The following SMPDL3A variants were observed in gnomAD, a reference collection of about 807,000 sequenced individuals.
SMPDL3A encodes the protein cyclic GMP-AMP phosphodiesterase SMPDL3A.
A neutral mutation model predicts 38.5 loss-of-function variants in SMPDL3A; 39 were observed. That is an observed-to-expected ratio of 1.01 (90% CI 0.78 to 1.32). The LOEUF is 1.32. SMPDL3A is among the 40% of genes most tolerant of loss of function. SMPDL3A has a pLI of 0.00. For synonymous variants in SMPDL3A, 180 were observed against 194.3 expected (o/e 0.93, Z 0.61); for missense variants, 502 against 536.2 (o/e 0.94, Z 0.63).
Position 122,809,529 on chromosome 6 carries a change from T to A in SMPDL3A, c.*121T>A. On this transcript the variant is annotated 3_prime_UTR_variant, in exon 8 of 8. Transcript: ENST00000368440. ...AAGTAGACTTCCTGTCTTTGCTTTCTTTTTTTTTTTCTTTTTGATGCCTTA... is the reference window on the plus strand; with the variant it reads ...AAGTAGACTTCCTGTCTTTGCTTTCATTTTTTTTTTCTTTTTGATGCCTTA... 2.9e-6 allele frequency: 1 copy of A among 341,152 alleles called. No homozygotes were observed. Among genetic ancestry groups the A allele is most frequent in the African/African-American group, 4.1e-5 (1 of 24,148 alleles). 21.1% of individuals were successfully genotyped at this position (341,152 alleles called of 1,614,324 possible). A position where few individuals can be genotyped will look rare whatever the true frequency, so the allele number is the denominator to read the frequency against.
intron 1 of SMPDL3A, among the ~76,000 whole-genome samples, chr6:122,790,284 G>T (rs143688721): frequency 1.3e-5 from 2 of 152,200 alleles, no homozygotes; most frequent in Non-Finnish European, 2.9e-5. Context: ...CCCACCCTCC[G>T]CATGATTCCT....
rs112687449 is a variant in SMPDL3A, at chr6:122,807,081, T to TGG, written c.1044+735_1044+736dup. Among the ~76,000 whole-genome samples the TGG allele has an allele frequency of 1.1e-3, 157 of 140,294 alleles. 1 individual carries two copies. The highest frequency in any genetic ancestry group is 5.6e-3 in the East Asian group (25 of 4,500). The allele number at this position is 140,294 out of a possible 152,430, so 92.0% of individuals were successfully genotyped here. On this transcript the variant is annotated intron_variant, in intron 7 of 7. Transcript: ENST00000368440. ...AATTTTTATAATCCTATTGTAGAGATGGGGGGGGGGGGTCTCCCTATGTTG... is the reference window on the plus strand; with the variant it reads ...AATTTTTATAATCCTATTGTAGAGATGGGGGGGGGGGGGGTCTCCCTATGTTG...
chr6:122,809,547 A>G lies in SMPDL3A; in HGVS notation c.*139A>G. ...TGCTTTCTTTTTTTTTTTCTTTTTG[A>G]TGCCTTAATGTAGATATCTTTATCA... On this transcript the variant is annotated 3_prime_UTR_variant, in exon 8 of 8. Transcript: ENST00000368440. The G allele has an allele frequency of 3.2e-6, 2 of 616,094 alleles. No homozygotes were observed. Among genetic ancestry groups the G allele is most frequent in the Non-Finnish European group, 5.7e-6 (2 of 351,924 alleles). The allele number at this position is 616,094 out of a possible 1,614,324, so 38.2% of individuals were successfully genotyped here. A position where few individuals can be genotyped will look rare whatever the true frequency, so the allele number is the denominator to read the frequency against.
At chr6:122,802,945 C>G (rs1781474386) in intron 4 of SMPDL3A, among the ~76,000 whole-genome samples, 3 of 152,164 alleles carry the variant, frequency 2.0e-5, no homozygotes, top group Admixed American at 2.0e-4. Context: ...TCAAACCCAA[C>G]TGACCTGCTA....
At chr6:122,792,097 A>G (rs554416923) in intron 1 of SMPDL3A, among the ~76,000 whole-genome samples, 2 of 152,362 alleles carry the variant, frequency 1.3e-5, no homozygotes, top group South Asian at 4.1e-4. Flanking sequence ...GGGCTCTGCC[A>G]CAGGCCAGGC....
intron 7 of SMPDL3A, among the ~76,000 whole-genome samples, chr6:122,807,977 C>G (rs1226287892): frequency 6.6e-6 from 1 of 152,128 alleles, no homozygotes; most frequent in African/African-American, 2.4e-5. Context: ...TACACAGCAT[C>G]TGAGGTTCAG....
At chr6:122,793,059 A>C (rs1388005586) in intron 1 of SMPDL3A, among the ~76,000 whole-genome samples, 1 of 152,212 alleles carries the variant, frequency 6.6e-6, no homozygotes, top group Non-Finnish European at 1.5e-5. Context: ...ACTTGAATTT[A>C]ATCTCTGTGT....
In SMPDL3A at chr6:122,795,754, T is replaced by TCA. The variant is rs1449417271; in HGVS notation, c.191_192dup (p.Ser65HisfsTer42). On this transcript the variant is annotated frameshift_variant, in exon 2 of 8. Coordinates refer to ENST00000368440, the MANE Select transcript of SMPDL3A (RefSeq NM_006714.5). LOFTEE classifies it high-confidence loss of function. ...AGATGACCACACAAAAGTGTGTGCT[T>TCA]CATCTAAAGGTGCAAATGCCTCCAA... is the stretch of plus-strand genomic sequence containing the variant. 1 of 1,614,086 alleles carries TCA rather than the reference T, an allele frequency of 6.2e-7. No individual in the cohort carries two copies. Among genetic ancestry groups the TCA allele is most frequent in the Non-Finnish European group, 8.5e-7 (1 of 1,180,028 alleles).
intron 1 of SMPDL3A, chr6:122,790,006 C>T (rs1377810387): frequency 3.6e-6 from 1 of 276,906 alleles, no homozygotes; most frequent in Non-Finnish European, 5.5e-6. Context: ...AAAGCACCCT[C>T]GGGTAGACTC....
intron 6 of SMPDL3A, among the ~76,000 whole-genome samples, chr6:122,805,883 G>C (rs1781598073): frequency 6.6e-6 from 1 of 152,208 alleles, no homozygotes; most frequent in Non-Finnish European, 1.5e-5. Context: ...ATGAGCCACT[G>C]CACCTGGCCT....
At chr6:122,808,652 TCCCCCCTCCCTCCCTC>T (rs1781742907) in intron 7 of SMPDL3A, among the ~76,000 whole-genome samples, 1 of 23,908 alleles carries the variant, frequency 4.2e-5, no homozygotes, top group African/African-American at 1.5e-4. Context: ...CCCCCCCTCC[TCCCCCCTCCCTCCCTC>T]TCCTTCTTTC....
chr6:122,797,011 T>C, intron 3 of SMPDL3A, 43 bp downstream of exon 3: 1 of 1,557,886 alleles, frequency 6.4e-7, no homozygotes, highest in Non-Finnish European at 8.8e-7. Flanking sequence ...GAATTTTTCC[T>C]ATTAGTAGTG....
intron 3 of SMPDL3A, among the ~76,000 whole-genome samples, chr6:122,799,013 AT>A (rs1562350916): frequency 6.6e-6 from 1 of 152,192 alleles, no homozygotes; most frequent in Non-Finnish European, 1.5e-5. Flanking sequence ...TTAGAGGCTG[AT>A]GTCTGAGATC....
At chr6:122,804,127 A>G (rs1781521649) in intron 5 of SMPDL3A, among the ~76,000 whole-genome samples, 1 of 151,602 alleles carries the variant, frequency 6.6e-6, no homozygotes, top group Non-Finnish European at 1.5e-5. Context: ...TGCTGGGATT[A>G]CAGGCACCCA....
chr6:122,789,816 A>G (rs1411700280), intron 1 of SMPDL3A: 1 of 984,972 alleles, frequency 1.0e-6, no homozygotes, highest in Non-Finnish European at 1.2e-6. Context: ...ACTCAAGGGA[A>G]GAGGAAGCTG....
At chr6:122,792,978 C>G (rs949223819) in intron 1 of SMPDL3A, among the ~76,000 whole-genome samples, 9 of 152,162 alleles carry the variant, frequency 5.9e-5, no homozygotes, top group Admixed American at 1.3e-4. Flanking sequence ...ACTCTGGAGT[C>G]AGATTTCCTG....
Position 122,804,987 on chromosome 6 carries a change from G to T in SMPDL3A, c.817G>T (p.Glu273Ter). 6.2e-7 allele frequency: 1 copy of T among 1,613,480 alleles called. No homozygotes were observed. Among genetic ancestry groups the T allele is most frequent in the East Asian group, 2.2e-5 (1 of 44,836 alleles). The change falls in exon 6 of 8, where the codon GAG becomes TAG. Residue 273 changes from glutamate (E) to a stop codon, truncating the protein, a stop_gained. Coordinates refer to ENST00000368440, the MANE Select transcript of SMPDL3A (RefSeq NM_006714.5). LOFTEE classifies it high-confidence loss of function. ...CACAGCAATGAGAGAATACTATAAT[G>T]AGAAATTGATAGATATTTTTCAAAA... ...NITAMREYYN[E>*]KLIDIFQKYS...
At chr6:122,801,265 G>C (rs1273922415) in intron 3 of SMPDL3A, 45 bp from the exon 4 acceptor site, 7 of 1,353,006 alleles carry the variant, frequency 5.2e-6, no homozygotes, top group Non-Finnish European at 1.1e-6. Flanking sequence ...TAATTCAGCT[G>C]TGTATCTTTA....
chr6:122,796,473 A>G (rs1251530955), intron 2 of SMPDL3A, among the ~76,000 whole-genome samples: 1 of 152,230 alleles, frequency 6.6e-6, no homozygotes, highest in Non-Finnish European at 1.5e-5. Flanking sequence ...ACTTACGAGT[A>G]TACACAACTA....
Sources: gnomAD v4.1 joint callset for allele counts (sites outside exome capture counted in the v4.1 genomes callset) on GRCh38, gnomAD v4.1.1 for gene constraint, MANE v1.5 for transcripts, NCBI Gene and HGNC (gene_info 2026-07-23, HGNC 2026-07-21) for gene names.